RP1: variants seen among roughly 807,000 people sequenced by gnomAD.
RP1 encodes RP1 axonemal microtubule associated.
Under a neutral mutation model 14.8 loss-of-function variants are expected in RP1, and 16 were observed. That is an observed-to-expected ratio of 1.08 (90% CI 0.73 to 1.65). The LOEUF is 1.65. Among genes scored for constraint, RP1 ranks in the 40% most tolerant of loss-of-function variants. The pLI is 0.00. For synonymous variants in RP1, 876 were observed against 883.6 expected, an observed-to-expected ratio of 0.99 and a Z score of 0.15; for missense variants, 2,631 against 2,535.0, an observed-to-expected ratio of 1.04 and a Z score of -0.81.
At chr8:54,803,455 A>G (rs562133622) in intron 24 of RP1, among the ~76,000 whole-genome samples, 1 of 152,190 alleles carries the variant, frequency 6.6e-6, no homozygotes, top group Non-Finnish European at 1.5e-5. Flanking sequence ...TGGATTTGAG[A>G]TAACTGTGAA....
intron 1 of RP1, among the ~76,000 whole-genome samples, chr8:54,608,001 C>T (rs1480404155): frequency 3.9e-5 from 6 of 151,976 alleles, no homozygotes; most frequent in South Asian, 4.1e-4. Context: ...CTGGGTGAGG[C>T]GATGCCTCAC....
intron 24 of RP1, among the ~76,000 whole-genome samples, chr8:54,795,831 G>A (rs1011446859): frequency 6.6e-6 from 1 of 151,956 alleles, no homozygotes; most frequent in African/African-American, 2.4e-5. Flanking sequence ...CCTTCAACCT[G>A]CCAACAGGCT....
intron 26 of RP1, among the ~76,000 whole-genome samples, chr8:54,854,126 C>T (rs1440245140): frequency 1.3e-5 from 2 of 152,080 alleles, no homozygotes; most frequent in Non-Finnish European, 2.9e-5. Flanking sequence ...ATCAAAATCT[C>T]AGAAACTTTT....
chr8:54,819,085 T>C (rs1811197721), intron 24 of RP1, among the ~76,000 whole-genome samples: 1 of 152,104 alleles, frequency 6.6e-6, no homozygotes. Flanking sequence ...TCCTCCTTTT[T>C]AAGACCAATA....
intron 24 of RP1, among the ~76,000 whole-genome samples, chr8:54,809,844 AT>A (rs1242710702): frequency 6.6e-6 from 1 of 152,174 alleles, no homozygotes; most frequent in Non-Finnish European, 1.5e-5. Flanking sequence ...TAGCGAAAGC[AT>A]TTTTTTCTCT....
chr8:54,836,152 T>C (rs1474880617), intron 24 of RP1, among the ~76,000 whole-genome samples: 1 of 152,134 alleles, frequency 6.6e-6, no homozygotes, highest in African/African-American at 2.4e-5. Context: ...AGGTAGCAGG[T>C]CTGGATAACG....
chr8:54,736,035 A>C (rs1000844799), intron 18 of RP1, among the ~76,000 whole-genome samples: 3 of 152,142 alleles, frequency 2.0e-5, no homozygotes, highest in Non-Finnish European at 2.9e-5. Flanking sequence ...CCTGAGGTAC[A>C]GTCTGGGTAT....
At chr8:54,822,062 G>A (rs905358114) in intron 24 of RP1, among the ~76,000 whole-genome samples, 3 of 152,190 alleles carry the variant, frequency 2.0e-5, no homozygotes, top group African/African-American at 7.2e-5. Context: ...AGTTGAGACT[G>A]TGAAAAGCCA....
At chr8:54,720,035 C>T (rs972537665) in intron 15 of RP1, 51 of 1,044,172 alleles carry the variant, frequency 4.9e-5, no homozygotes, top group African/African-American at 2.9e-4. Flanking sequence ...TGATTCGAAA[C>T]GAGACAAAAT....
chr8:54,782,331 T>A (rs1411804609), intron 23 of RP1, among the ~76,000 whole-genome samples: 7 of 152,190 alleles, frequency 4.6e-5, no homozygotes, highest in African/African-American at 1.7e-4. Flanking sequence ...ATTTATTTGA[T>A]GCAAGTTTTA....
At chr8:54,776,993 T>C (rs1454800123) in intron 23 of RP1, among the ~76,000 whole-genome samples, 3 of 152,236 alleles carry the variant, frequency 2.0e-5, no homozygotes, top group African/African-American at 7.2e-5. Context: ...CTGAGTGTTC[T>C]GGTTAGCAGT....
intron 24 of RP1, among the ~76,000 whole-genome samples, chr8:54,792,985 T>A (rs1195966180): frequency 6.6e-6 from 1 of 151,728 alleles, no homozygotes; most frequent in Non-Finnish European, 1.5e-5. Flanking sequence ...TAAATAAAAT[T>A]ATCAATGAAA....
chr8:54,766,826 A>T (rs1482347888), intron 22 of RP1, among the ~76,000 whole-genome samples: 1 of 152,154 alleles, frequency 6.6e-6, no homozygotes, highest in Non-Finnish European at 1.5e-5. Context: ...CTGGTGACCT[A>T]GGGGTTTAGG....
intron 27 of RP1, chr8:54,857,157 T>C (rs1812223715): frequency 1.3e-6 from 1 of 747,244 alleles, no homozygotes; most frequent in Non-Finnish European, 1.8e-6. Flanking sequence ...TTATGAAAAA[T>C]CGTATAAGAA....
At chr8:54,734,767 T>G (rs1291103620) in intron 18 of RP1, 3 of 1,509,558 alleles carry the variant, frequency 2.0e-6, no homozygotes, top group African/African-American at 2.8e-5. Context: ...GGCAGTAATA[T>G]TTTCCTGTGA....
intron 1 of RP1, among the ~76,000 whole-genome samples, chr8:54,576,632 A>G (rs557228314): frequency 6.6e-6 from 1 of 152,346 alleles, no homozygotes; most frequent in South Asian, 2.1e-4. Context: ...ATCATAGTGT[A>G]ATTAATTATC....
At chr8:54,767,113 C>T (rs1421200314) in intron 22 of RP1, among the ~76,000 whole-genome samples, 2 of 152,202 alleles carry the variant, frequency 1.3e-5, no homozygotes, top group East Asian at 3.9e-4. Context: ...TTCTGTAACA[C>T]AACTGTGTAC....
intron 6 of RP1, among the ~76,000 whole-genome samples, chr8:54,657,829 CGAA>C (rs1265437510): frequency 6.6e-6 from 1 of 152,086 alleles, no homozygotes; most frequent in East Asian, 1.9e-4. Context: ...TATTTTCCTG[CGAA>C]GGATAAAGGT....
chr8:54,581,349 G>C (rs1375906383), intron 1 of RP1, among the ~76,000 whole-genome samples: 1 of 152,114 alleles, frequency 6.6e-6, no homozygotes, highest in Non-Finnish European at 1.5e-5. Flanking sequence ...CATTTTTTAT[G>C]GCTGCATAGT....
Sources: allele counts gnomAD v4.1 joint callset (sites outside exome capture counted in the v4.1 genomes callset), GRCh38; gene constraint gnomAD v4.1.1; transcripts MANE v1.5; gene names NCBI Gene and HGNC (gene_info 2026-07-23, HGNC 2026-07-21).